The following COP1 variants were observed in gnomAD, a reference collection of about 807,000 sequenced individuals.
COP1 encodes the protein E3 ubiquitin-protein ligase COP1.
Under a neutral mutation model 101.3 loss-of-function variants are expected in COP1, and 24 were observed. The observed-to-expected ratio is 0.24, with a 90% CI of 0.17 to 0.33. COP1 has a LOEUF of 0.33. Ranked by LOEUF, COP1 falls within the 10% of genes least tolerant of loss-of-function variation. The pLI, the probability that COP1 is intolerant of heterozygous loss-of-function variation, is 1.00. For missense variants in COP1, 663 were observed against 906.2 expected, an observed-to-expected ratio of 0.73 and a Z score of 3.45; for synonymous variants, 347 against 341.9, an observed-to-expected ratio of 1.01 and a Z score of -0.17.
At chr1:176,067,645 A>G (rs926809686) in intron 11 of COP1, among the ~76,000 whole-genome samples, 2 of 152,076 alleles carry the variant, frequency 1.3e-5, no homozygotes, top group Non-Finnish European at 2.9e-5. Flanking sequence ...CCACCACTCA[A>G]TACAAAAGCT....
chr1:176,040,616 T>C (rs1434656374), intron 14 of COP1, among the ~76,000 whole-genome samples: 1 of 152,092 alleles, frequency 6.6e-6, no homozygotes, highest in Non-Finnish European at 1.5e-5. Flanking sequence ...GGCTGACGAG[T>C]TCTTAAATCA....
At chr1:176,138,587 T>C (rs950664826) in intron 6 of COP1, among the ~76,000 whole-genome samples, 11 of 152,282 alleles carry the variant, frequency 7.2e-5, no homozygotes, top group Middle Eastern at 3.4e-3. Context: ...TACTGCTCAA[T>C]TGATAAAGTC....
At chr1:176,095,189 T>C (rs1682102225) in intron 9 of COP1, among the ~76,000 whole-genome samples, 1 of 152,178 alleles carries the variant, frequency 6.6e-6, no homozygotes. Flanking sequence ...TACAAAATAA[T>C]AAAACAAATT....
chr1:175,982,706 G>A (rs1200532228), intron 18 of COP1, among the ~76,000 whole-genome samples: 1 of 152,146 alleles, frequency 6.6e-6, no homozygotes, highest in Non-Finnish European at 1.5e-5. Flanking sequence ...AGGTTAAACT[G>A]TATATAATGG....
intron 18 of COP1, among the ~76,000 whole-genome samples, chr1:175,960,418 T>C (rs1423761673): frequency 1.3e-5 from 2 of 152,174 alleles, no homozygotes; most frequent in Non-Finnish European, 2.9e-5. Context: ...GCATAAAGTA[T>C]GTATCTTATA....
At chr1:176,002,677 G>A (rs1442326336) in intron 15 of COP1, among the ~76,000 whole-genome samples, 1 of 149,118 alleles carries the variant, frequency 6.7e-6, no homozygotes, top group African/African-American at 2.5e-5. Flanking sequence ...CCCTACAAAG[G>A]ACATGAACTC....
chr1:176,201,085 C>A (rs1700218460), intron 1 of COP1, among the ~76,000 whole-genome samples: 1 of 152,114 alleles, frequency 6.6e-6, no homozygotes, highest in Non-Finnish European at 1.5e-5. Context: ...TCAGTGCCAA[C>A]ATGACTATCA....
intron 18 of COP1, among the ~76,000 whole-genome samples, chr1:175,957,021 G>A (rs1392337868): frequency 6.6e-6 from 1 of 152,006 alleles, no homozygotes; most frequent in African/African-American, 2.4e-5. Context: ...AATCTGTACA[G>A]CTGTACAATG....
intron 9 of COP1, among the ~76,000 whole-genome samples, chr1:176,111,496 T>C (rs1685283926): frequency 6.6e-6 from 1 of 152,134 alleles, no homozygotes; most frequent in African/African-American, 2.4e-5. Flanking sequence ...GGTTTCACCG[T>C]GTTGGCCAGG....
At chr1:176,015,334 T>G (rs1245490808) in intron 15 of COP1, among the ~76,000 whole-genome samples, 1 of 152,092 alleles carries the variant, frequency 6.6e-6, no homozygotes, top group Non-Finnish European at 1.5e-5. Flanking sequence ...GTGGTAAAGG[T>G]AATGTAACCA....
chr1:176,089,806 GAAT>G (rs975559509), intron 9 of COP1, among the ~76,000 whole-genome samples: 11 of 152,134 alleles, frequency 7.2e-5, no homozygotes, highest in African/African-American at 2.7e-4. Flanking sequence ...ACCTGACTCT[GAAT>G]AATGTCACGA....
intron 18 of COP1, among the ~76,000 whole-genome samples, chr1:175,969,317 G>GA (rs1371404793): frequency 6.6e-6 from 1 of 152,076 alleles, no homozygotes; most frequent in Non-Finnish European, 1.5e-5. Context: ...CTTGGTATTT[G>GA]AAAAAACAGC....
At chr1:176,080,008 A>T (rs1341124220) in intron 11 of COP1, among the ~76,000 whole-genome samples, 1 of 152,172 alleles carries the variant, frequency 6.6e-6, no homozygotes, top group Non-Finnish European at 1.5e-5. Flanking sequence ...AAAAAAAATC[A>T]GTAACAGAAA....
intron 6 of COP1, among the ~76,000 whole-genome samples, chr1:176,147,592 GA>G (rs898805249): frequency 4.6e-5 from 7 of 150,870 alleles, no homozygotes; most frequent in Admixed American, 2.6e-4. Flanking sequence ...CAAGAGAAAA[GA>G]AAAAAAAATT....
intron 5 of COP1, among the ~76,000 whole-genome samples, chr1:176,158,147 C>T (rs542143098): frequency 8.6e-5 from 13 of 151,678 alleles, no homozygotes; most frequent in African/African-American, 2.9e-4. Context: ...CACTTACACC[C>T]ATAAAAAGAG....
intron 3 of COP1, chr1:176,168,781 T>G: frequency 4.4e-6 from 1 of 227,272 alleles, no homozygotes; most frequent in Non-Finnish European, 9.3e-6. Context: ...CAGAAGAGAA[T>G]GAGAGAAAAT....
At chr1:175,968,380 A>G (rs760534474) in intron 18 of COP1, 2 of 496,970 alleles carry the variant, frequency 4.0e-6, no homozygotes, top group Admixed American at 4.2e-5. Flanking sequence ...CCAAGTATTT[A>G]GAGTGGCAGT....
chr1:176,021,887 C>T (rs755584501), intron 15 of COP1, among the ~76,000 whole-genome samples: 1 of 152,142 alleles, frequency 6.6e-6, no homozygotes, highest in African/African-American at 2.4e-5. Flanking sequence ...TTGAAAACAA[C>T]GTGGATTTCT....
chr1:176,071,685 AC>A (rs2149351687), intron 11 of COP1, among the ~76,000 whole-genome samples: 1 of 152,304 alleles, frequency 6.6e-6, no homozygotes, highest in African/African-American at 2.4e-5. Flanking sequence ...AGGTTATTCT[AC>A]CTCAGCACAC....
Sources: allele counts gnomAD v4.1 joint callset (sites outside exome capture counted in the v4.1 genomes callset), GRCh38; gene constraint gnomAD v4.1.1; transcripts MANE v1.5; gene names NCBI Gene and HGNC (gene_info 2026-07-23, HGNC 2026-07-21).